KANK3: variants seen among roughly 807,000 people sequenced by gnomAD.
KANK3 encodes KN motif and ankyrin repeat domains 3.
In KANK3, 61 loss-of-function variants were observed where a neutral mutation model predicts 65.4. The observed-to-expected ratio is 0.93, with a 90% CI of 0.76 to 1.15. KANK3 has a LOEUF of 1.15. Among genes scored for constraint, KANK3 ranks in the 50% most tolerant of loss-of-function variants. KANK3 has a pLI of 0.00. For missense variants in KANK3, 1,187 were observed against 1,178.8 expected, an observed-to-expected ratio of 1.01 and a Z score of -0.10; for synonymous variants, 586 against 543.3, an observed-to-expected ratio of 1.08 and a Z score of -1.09.
Position 8,322,872 on chromosome 19 carries a change from G to A in KANK3, c.2433C>T (p.Cys811=), listed in dbSNP as rs1213666967. The part of the protein sequence containing the change: ...SQTATPGEGE[C]GDNGENPQVQ The stretch of plus-strand genomic sequence containing the variant: ...CCTGGGGGTTCTCTCCATTGTCACC[G>A]CATTCTCCTTCACCAGGTGTGGCTG... The change falls in exon 11 of 11, where the codon TGC becomes TGT. Residue 811 remains cysteine (C), a synonymous_variant. Transcript: ENST00000330915. 8 of 1,587,818 alleles carry A rather than the reference G, an allele frequency of 5.0e-6. No individual in the cohort carries two copies. The Middle Eastern group carries it at 6.7e-4, about 133-fold the overall frequency.
At chr19:8,325,316 T>G (rs1970408202) in intron 7 of KANK3, among the ~76,000 whole-genome samples, 1 of 142,134 alleles carries the variant, frequency 7.0e-6, no homozygotes, top group South Asian at 2.3e-4. Context: ...TTTTTTTTTT[T>G]TTTTTTGAGA....
chr19:8,325,616 G>A (rs1258267113), intron 7 of KANK3, among the ~76,000 whole-genome samples: 2 of 152,034 alleles, frequency 1.3e-5, no homozygotes, highest in African/African-American at 4.8e-5. Flanking sequence ...CAGGGACTTG[G>A]TTTTGTTTGC....
chr19:8,332,985 TG>T, intron 7 of KANK3, 28 bp downstream of exon 7: 10 of 585,668 alleles, frequency 1.7e-5, no homozygotes, highest in East Asian at 7.0e-5. Flanking sequence ...CATTTCCTGG[TG>T]TCCCACCCAC....
chr19:8,334,853 G>T lies in KANK3; in HGVS notation c.974C>A (p.Ala325Asp). The T allele has an allele frequency of 6.8e-7, 1 of 1,466,808 alleles. No individual in the cohort carries two copies. 90.9% of individuals were successfully genotyped at this position (1,466,808 alleles called of 1,614,324 possible). A position where few individuals can be genotyped will look rare whatever the true frequency, so the allele number is the denominator to read the frequency against. Residue 325 changes from alanine to aspartate, a missense_variant, in exon 3 of 11, where the codon GCC (alanine) becomes GAC (aspartate). Physicochemically the swap from Ala to Asp is moderately radical, Grantham distance 126. This residue lies in a region of KANK3 where 1,078 missense variants were observed against 1,038.2 expected (regional missense o/e 1.04). Coordinates refer to ENST00000330915, the MANE Select transcript of KANK3 (RefSeq NM_198471.3). The stretch of plus-strand genomic sequence containing the variant: ...GGTCTCGGGGGCAGCCTCCACGCCG[G>T]CCTCCCGGGTCTCCGGCACGGCCTG... ...GAQAVPETREAGVEAAPETVE... is the reference protein window; with the variant it reads ...GAQAVPETREDGVEAAPETVE...
rs559201395 is a variant in KANK3 at position 8,342,639 on chromosome 19, G to A, written c.-29+586C>T. Among the ~76,000 whole-genome samples the A allele has an allele frequency of 9.2e-4, 133 of 143,914 alleles. 1 individual carries two copies. The highest frequency in any genetic ancestry group is 3.2e-3 in the African/African-American group (129 of 40,206). The allele number at this position is 143,914 out of a possible 152,430, so 94.4% of individuals were successfully genotyped here. A position where few individuals can be genotyped will look rare whatever the true frequency, so the allele number is the denominator to read the frequency against. On this transcript the variant is annotated intron_variant, in intron 1 of 10. Transcript: ENST00000330915. The stretch of plus-strand genomic sequence containing the variant: ...GCCTTCCAGGAGGCCCTGAGTACTG[G>A]CAGCCCCTGATGTCTGCTGGGACTC...
intron 1 of KANK3, among the ~76,000 whole-genome samples, chr19:8,340,401 A>G (rs1799163591): frequency 6.6e-6 from 1 of 151,996 alleles, no homozygotes; most frequent in African/African-American, 2.4e-5. Context: ...GCACAGAACA[A>G]TTAAATCAGT....
At chr19:8,324,296 A>G (rs1305540604) in intron 10 of KANK3, among the ~76,000 whole-genome samples, 153 bp downstream of exon 10, 1 of 152,252 alleles carries the variant, frequency 6.6e-6, no homozygotes, top group Non-Finnish European at 1.5e-5. Context: ...CTCCCAAAAA[A>G]GAAAAGCAGC....
Position 8,324,458 on chromosome 19 carries a change from G to C in KANK3, c.2373C>G (p.Pro791=), listed in dbSNP as rs144688003. ...CCAGAGCTGTGCTCACCTGGGTGTCGGGCTGGCCCGAGCTCAGGTGGGCAT... is the reference window on the plus strand; with the variant it reads ...CCAGAGCTGTGCTCACCTGGGTGTCCGGCTGGCCCGAGCTCAGGTGGGCAT... The part of the protein sequence containing the change: ...LLHAHLSSGQ[P]DTQSESPPGS... The change falls in exon 10 of 11, where the codon CCC becomes CCG. Residue 791 remains proline (P), a synonymous_variant. Coordinates refer to ENST00000330915, the MANE Select transcript of KANK3 (RefSeq NM_198471.3). The C allele has an allele frequency of 1.9e-6, 3 of 1,602,992 alleles. No homozygotes were observed. Among genetic ancestry groups the C allele is most frequent in the Non-Finnish European group, 2.6e-6 (3 of 1,174,848 alleles).
intron 1 of KANK3, among the ~76,000 whole-genome samples, chr19:8,340,289 T>TACACAC (rs1161921225): frequency 3.3e-5 from 2 of 61,508 alleles, no homozygotes; most frequent in African/African-American, 1.6e-4. Context: ...TATATATATA[T>TACACAC]ATACACACAC....
chr19:8,336,596 A>G (rs1252697550), intron 2 of KANK3, among the ~76,000 whole-genome samples: 1 of 45,606 alleles, frequency 2.2e-5, no homozygotes, highest in East Asian at 4.5e-4. Flanking sequence ...ACACATATAC[A>G]TATATATACA....
Position 8,322,603 on chromosome 19 carries a change from G to A in KANK3, c.*236C>T, listed in dbSNP as rs867394140. 1 of 566,816 alleles carries A rather than the reference G, an allele frequency of 1.8e-6. No individual in the cohort carries two copies. Among genetic ancestry groups the A allele is most frequent in the East Asian group, 3.0e-5 (1 of 33,386 alleles). 35.1% of individuals were successfully genotyped at this position (566,816 alleles called of 1,614,324 possible). A position where few individuals can be genotyped will look rare whatever the true frequency, so the allele number is the denominator to read the frequency against. The stretch of plus-strand genomic sequence containing the variant: ...CAAGCGTAGTAGGAATGTTTTATTA[G>A]CAAAGAAGTTTCAGAGAGTGGGTGG... On this transcript the variant is annotated 3_prime_UTR_variant, in exon 11 of 11. Transcript: ENST00000330915.
At chr19:8,322,976 CGT>C (rs752658891) in intron 10 of KANK3, 54 bp from the exon 11 acceptor site, 151 of 1,050,270 alleles carry the variant, frequency 1.4e-4, no homozygotes, top group Non-Finnish European at 2.0e-4. Flanking sequence ...AGGCAGGAAA[CGT>C]GGGATTCAGC....
Position 8,333,381 on chromosome 19 carries a change from C to T in KANK3, c.1720-151G>A, listed in dbSNP as rs1360006047. ...CTCCTCGTCCAGGTGGGGAGCCATG[C>T]GAACCCAGATGGAGGGCTGGGGCCA... On this transcript the variant is annotated intron_variant, in intron 6 of 10. Coordinates refer to ENST00000330915, the MANE Select transcript of KANK3 (RefSeq NM_198471.3). The surrounding 1 kb of genome is among the most constrained non-coding windows in gnomAD (Gnocchi z 5.0). 3 of 678,846 alleles carry T rather than the reference C, an allele frequency of 4.4e-6. No individual in the cohort carries two copies. The African/African-American group carries it at 5.4e-5, about 12-fold the overall frequency. The allele number at this position is 678,846 out of a possible 1,614,324, so 42.1% of individuals were successfully genotyped here.
Position 8,335,002 on chromosome 19 carries a change from C to T in KANK3, c.825G>A (p.Leu275=). 1 of 1,481,252 alleles carries T rather than the reference C, an allele frequency of 6.8e-7. No homozygotes were observed. The highest frequency in any genetic ancestry group is 1.3e-5 in the South Asian group (1 of 78,154). 91.8% of individuals were successfully genotyped at this position (1,481,252 alleles called of 1,614,324 possible). A position where few individuals can be genotyped will look rare whatever the true frequency, so the allele number is the denominator to read the frequency against. The change falls in exon 3 of 11, where the codon CTG becomes CTA. Residue 275 remains leucine, a synonymous_variant. Coordinates refer to ENST00000330915, the MANE Select transcript of KANK3 (RefSeq NM_198471.3). ...ASPRADSPDG[L]AAGRSEGALQ... ...GCGCGCCCTCGCTGCGCCCTGCAGC[C>T]AGGCCGTCTGGGCTGTCAGCCCGGG...
intron 1 of KANK3, among the ~76,000 whole-genome samples, chr19:8,341,907 G>A (rs1970727048): frequency 6.6e-6 from 1 of 152,240 alleles, no homozygotes; most frequent in African/African-American, 2.4e-5. Flanking sequence ...TTAGTGTCCT[G>A]CCTGGGTCCT....
intron 7 of KANK3, among the ~76,000 whole-genome samples, chr19:8,330,777 G>T (rs537731027): frequency 6.6e-6 from 1 of 151,776 alleles, no homozygotes; most frequent in Non-Finnish European, 1.5e-5. Context: ...TGGTACACGC[G>T]CCTGTAATCC....
intron 1 of KANK3, 161 bp from the exon 2 acceptor site, chr19:8,338,017 AC>A: frequency 3.3e-4 from 214 of 640,950 alleles, no homozygotes; most frequent in Middle Eastern, 7.5e-4. Flanking sequence ...AAACCTTGAA[AC>A]TTTTTTTTTT....
At position 8,334,079 on chromosome 19, in the gene KANK3, C is replaced by T; in HGVS notation, c.1465G>A (p.Asp489Asn). 1 of 1,525,266 alleles carries T rather than the reference C, an allele frequency of 6.6e-7. No individual in the cohort carries two copies. Among genetic ancestry groups the T allele is most frequent in the Non-Finnish European group, 8.8e-7 (1 of 1,138,382 alleles). 94.5% of individuals were successfully genotyped at this position (1,525,266 alleles called of 1,614,324 possible). A position where few individuals can be genotyped will look rare whatever the true frequency, so the allele number is the denominator to read the frequency against. Residue 489 changes from aspartate (D) to asparagine (N), a missense_variant, in exon 5 of 11, where the codon GAT becomes AAT. By Grantham distance (23) the Asp-to-Asn change is conservative. This residue lies in a region of KANK3 where 1,078 missense variants were observed against 1,038.2 expected (regional missense o/e 1.04). Coordinates refer to ENST00000330915, the MANE Select transcript of KANK3 (RefSeq NM_198471.3). ...SSSSEDASDS[D>N]GDSENGGAEP... ...GCGCCACCGTTCTCGCTGTCGCCAT[C>T]GCTGTCGCTGGCGTCCTCGCTGGAG...
In KANK3 at chr19:8,325,051, A is replaced by G; in HGVS notation, c.1982T>C (p.Leu661Pro). 1 of 1,613,836 alleles carries G rather than the reference A, an allele frequency of 6.2e-7. No homozygotes were observed. ...NRQNRAGYSALMLAALTSVRQ... is the reference protein window; with the variant it reads ...NRQNRAGYSAPMLAALTSVRQ... ...CACAGAGGTGAGTGCAGCCAGCATGAGGGCCGAGTAGCCGGCTCGGTTCTG... is the reference window on the plus strand; with the variant it reads ...CACAGAGGTGAGTGCAGCCAGCATGGGGGCCGAGTAGCCGGCTCGGTTCTG... Residue 661 changes from leucine to proline, a missense_variant, in exon 8 of 11, where the codon CTC becomes CCC. By Grantham distance (98) the Leu-to-Pro change is moderately conservative (BLOSUM62 -3). Around this residue, in one of 3 missense-constraint regions of KANK3, gnomAD observed 1,078 missense variants for 1,038.2 expected, o/e 1.04. Coordinates refer to ENST00000330915, the MANE Select transcript of KANK3 (RefSeq NM_198471.3).
Sources: gnomAD v4.1 joint callset for allele counts (sites outside exome capture counted in the v4.1 genomes callset) on GRCh38, gnomAD v4.1.1 for gene constraint, gnomAD v4.1.1 regional missense constraint, Gnocchi (gnomAD v3.1) non-coding constraint, MANE v1.5 for transcripts, NCBI Gene and HGNC (gene_info 2026-07-23, HGNC 2026-07-21) for gene names.